The following PLEKHA8 variants were observed in gnomAD, a reference collection of about 807,000 sequenced individuals.
PLEKHA8 encodes the protein pleckstrin homology domain-containing family A member 8.
In PLEKHA8, 36 loss-of-function variants were observed where a neutral mutation model predicts 68.2. The observed-to-expected ratio is 0.53, with a 90% CI of 0.40 to 0.70. The LOEUF (loss-of-function observed/expected upper bound fraction) is 0.70. Ranked by LOEUF, PLEKHA8 falls within the 30% of genes least tolerant of loss-of-function variation. The pLI, the probability that PLEKHA8 is intolerant of heterozygous loss-of-function variation, is 0.00. For missense variants in PLEKHA8, 505 were observed against 615.4 expected, an observed-to-expected ratio of 0.82 and a Z score of 1.90; for synonymous variants, 211 against 216.1, an observed-to-expected ratio of 0.98 and a Z score of 0.20.
At chr7:30,116,475 A>G (rs1796568728) in intron 13 of PLEKHA8, among the ~76,000 whole-genome samples, 1 of 152,172 alleles carries the variant, frequency 6.6e-6, no homozygotes, top group African/African-American at 2.4e-5. Flanking sequence ...TCTGCCTTAG[A>G]AGCTTAAGGA....
At chr7:30,031,754 A>G (rs750610582) in intron 1 of PLEKHA8, among the ~76,000 whole-genome samples, 3 of 152,118 alleles carry the variant, frequency 2.0e-5, no homozygotes, top group Non-Finnish European at 4.4e-5. Flanking sequence ...TGCTGCATTT[A>G]TTGTACTTCA....
At chr7:30,123,965 T>G (rs186036613) in intron 13 of PLEKHA8, among the ~76,000 whole-genome samples, 53 of 152,352 alleles carry the variant, frequency 3.5e-4, no homozygotes, top group Admixed American at 1.3e-3. Flanking sequence ...CTTTATATAC[T>G]TTTGCTGATT....
chr7:30,068,973 C>T lies in PLEKHA8; in HGVS notation c.1301-5098C>T, dbSNP rs1794051239. 2.0e-5 allele frequency among the ~76,000 whole-genome samples: 3 copies of T among 152,108 alleles called. No individual in the cohort carries two copies. In the South Asian group the frequency reaches 6.2e-4, roughly 32 times the overall value. ...TGTCTTAGCAGCATTTATTGGATCA[C>T]CCATTCTTTTCCCCACTTGTATGTA... On this transcript the variant is annotated intron_variant, in intron 12 of 13. Coordinates refer to ENST00000449726, the MANE Select transcript of PLEKHA8 (RefSeq NM_001197026.2).
Position 30,082,376 on chromosome 7 carries a change from T to C in PLEKHA8, c.*3589T>C. On this transcript the variant is annotated 3_prime_UTR_variant, in exon 14 of 14. Transcript: ENST00000449726. ...TCCCAGGAGCAGCTTCTAGCACATA[T>C]GTAGAGTATCTGGCACCACCTTAGC... is the stretch of plus-strand genomic sequence containing the variant. The C allele has an allele frequency of 1.0e-6, 1 of 985,428 alleles. No homozygotes were observed. Among genetic ancestry groups the C allele is most frequent in the Non-Finnish European group, 1.2e-6 (1 of 829,958 alleles). The allele number at this position is 985,428 out of a possible 1,614,324, so 61.0% of individuals were successfully genotyped here.
At chr7:30,028,938 C>T (rs1583748595) in intron 1 of PLEKHA8, 136 bp downstream of exon 1, 1 of 1,019,006 alleles carries the variant, frequency 9.8e-7, no homozygotes, top group African/African-American at 1.7e-5. Context: ...GGAGTATTTC[C>T]CAAAGCAGTT....
chr7:30,074,002 G>GA (rs1794438874), intron 12 of PLEKHA8, 69 bp from the exon 13 acceptor site: 1 of 1,224,432 alleles, frequency 8.2e-7, no homozygotes, highest in African/African-American at 1.9e-5. Context: ...AAAAAAAAAA[G>GA]TACATTATAC....
At position 30,083,075 on chromosome 7, in the gene PLEKHA8, A is replaced by G. The variant is rs1005509024; in HGVS notation, c.*4288A>G. 2.0e-6 allele frequency: 2 copies of G among 982,158 alleles called. No homozygotes were observed. The highest frequency in any genetic ancestry group is 2.4e-6 in the Non-Finnish European group (2 of 827,246). 60.8% of individuals were successfully genotyped at this position (982,158 alleles called of 1,614,324 possible). On this transcript the variant is annotated 3_prime_UTR_variant, in exon 14 of 14. Transcript: ENST00000449726. The stretch of plus-strand genomic sequence containing the variant: ...CTTTTTTAAATTTTAAAATTTTTAG[A>G]TGTAGAGTTTATAAGTAAAATATAT...
chr7:30,115,876 G>T (rs367962885), intron 13 of PLEKHA8: 1 of 104,858 alleles, frequency 9.5e-6, no homozygotes, highest in Non-Finnish European at 2.1e-5. Flanking sequence ...ATACATGTAG[G>T]CACGCATACA....
intron 13 of PLEKHA8, among the ~76,000 whole-genome samples, chr7:30,115,467 TAC>T (rs1233921783): frequency 6.6e-6 from 1 of 152,032 alleles, no homozygotes; most frequent in Non-Finnish European, 1.5e-5. Context: ...TGCATATGTA[TAC>T]ACACATGTAT....
downstream of PLEKHA8, among the ~76,000 whole-genome samples, chr7:30,091,240 G>T (rs922793938): frequency 2.6e-5 from 4 of 151,288 alleles, no homozygotes; most frequent in Non-Finnish European, 5.9e-5. Flanking sequence ...TTTTAGGTGG[G>T]TATTGATTTT....
chr7:30,065,338 A>G (rs1446218356), intron 12 of PLEKHA8, among the ~76,000 whole-genome samples: 2 of 152,164 alleles, frequency 1.3e-5, no homozygotes, highest in African/African-American at 2.4e-5. Context: ...GGAAATCCCT[A>G]GTTTCTTGCT....
chr7:30,042,029 T>C (rs982915874), intron 1 of PLEKHA8, among the ~76,000 whole-genome samples: 3 of 152,202 alleles, frequency 2.0e-5, no homozygotes, highest in African/African-American at 7.2e-5. Flanking sequence ...CCTTATAAAG[T>C]AGATTGCCCT....
rs1356324767 is a variant in PLEKHA8, at chr7:30,052,842, G to A, written c.772G>A (p.Glu258Lys). 16 of 1,576,242 alleles carry A rather than the reference G, an allele frequency of 1.0e-5. No homozygotes were observed. Among genetic ancestry groups the A allele is most frequent in the Non-Finnish European group, 1.4e-5 (16 of 1,169,716 alleles). The change falls in exon 7 of 14, where the codon GAA becomes AAA. Residue 258 changes from glutamate to lysine, a missense_variant. Transcript: ENST00000449726. Reference sequence around the variant, plus strand: ...GATAGACTGCAGCATATCAAGTGAGGAAAATACAGATGATAATATAACAGG... The same window carrying A: ...GATAGACTGCAGCATATCAAGTGAGAAAAATACAGATGATAATATAACAGG... ...AEIDCSISSEENTDDNITVQG... is the reference protein window; with the variant it reads ...AEIDCSISSEKNTDDNITVQG...
At chr7:30,116,762 C>G (rs1168771512) in intron 13 of PLEKHA8, among the ~76,000 whole-genome samples, 1 of 152,206 alleles carries the variant, frequency 6.6e-6, no homozygotes, top group African/African-American at 2.4e-5. Context: ...TTCTGGCTTT[C>G]TTGTTGAAAA....
chr7:30,114,775 A>G lies in PLEKHA8; in HGVS notation c.1363-14491A>G, dbSNP rs554898039. On this transcript the variant is annotated intron_variant, in intron 13 of 13. Transcript: ENST00000396257. ...TCAAGAGCAGTTTTGCATTTGCCAC[A>G]GAAAGATCACCAGATGTGGAACTCT... Among the ~76,000 whole-genome samples, 20 of 152,318 alleles carry G rather than the reference A, an allele frequency of 1.3e-4. No homozygotes were observed. In the South Asian group the frequency reaches 4.1e-3, roughly 32 times the overall value.
At chr7:30,068,987 C>T (rs1037142913) in intron 12 of PLEKHA8, among the ~76,000 whole-genome samples, 5 of 151,824 alleles carry the variant, frequency 3.3e-5, no homozygotes, top group Admixed American at 6.6e-5. Flanking sequence ...TTCTTTTCCC[C>T]ACTTGTATGT....
chr7:30,055,188 A>T, intron 8 of PLEKHA8, 69 bp from the exon 9 acceptor site: 1 of 1,373,186 alleles, frequency 7.3e-7, no homozygotes, highest in South Asian at 1.2e-5. Context: ...TCTATGACTT[A>T]CCTCTGAATT....
At chr7:30,070,547 CT>C (rs34425647) in intron 12 of PLEKHA8, among the ~76,000 whole-genome samples, 331 of 137,180 alleles carry the variant, frequency 2.4e-3, no homozygotes, top group Admixed American at 3.2e-3. Context: ...GAATCCAGAG[CT>C]TTTTTTTTTT....
chr7:30,072,186 A>C (rs981627848), intron 12 of PLEKHA8: 1 of 152,224 alleles, frequency 6.6e-6, no homozygotes, highest in African/African-American at 2.4e-5. Context: ...TCATACTTGA[A>C]TGTATTAATT....
Sources: gnomAD v4.1 joint callset for allele counts (sites outside exome capture counted in the v4.1 genomes callset) on GRCh38, gnomAD v4.1.1 for gene constraint, MANE v1.5 for transcripts, NCBI Gene and HGNC (gene_info 2026-07-23, HGNC 2026-07-21) for gene names.